The following USP46 variants were observed in gnomAD, a reference collection of about 807,000 sequenced individuals.
USP46 encodes ubiquitin carboxyl-terminal hydrolase 46.
Under a neutral mutation model 44.4 loss-of-function variants are expected in USP46, and 12 were observed. The ratio of observed to expected loss-of-function variants is 0.27; its 90% confidence interval spans 0.17 to 0.44. The LOEUF is 0.44. Among genes scored for constraint, USP46 ranks in the 20% least tolerant of loss-of-function variants. The probability of loss-of-function intolerance (pLI) is 1.00; values close to 1 mark genes in which losing one functional copy is unlikely to be tolerated. For synonymous variants in USP46, 155 were observed against 161.5 expected, an observed-to-expected ratio of 0.96 and a Z score of 0.31; for missense variants, 248 against 444.8, an observed-to-expected ratio of 0.56 and a Z score of 3.98.
chr4:52,624,702 A>G (rs895377035), intron 4 of USP46, among the ~76,000 whole-genome samples: 2 of 152,150 alleles, frequency 1.3e-5, no homozygotes, highest in African/African-American at 2.4e-5. Context: ...CCTCATCTCT[A>G]ATAGGATGGT....
chr4:52,612,912 G>A (rs1716985686), intron 4 of USP46, among the ~76,000 whole-genome samples: 2 of 152,130 alleles, frequency 1.3e-5, no homozygotes, highest in Non-Finnish European at 2.9e-5. Context: ...TTTACTGTCT[G>A]TCTCCCCCTC....
rs184469182 is a variant in USP46, at chr4:52,592,502, C to T, written c.*5138G>A. On this transcript the variant is annotated 3_prime_UTR_variant, in exon 9 of 9. Coordinates refer to ENST00000441222, the MANE Select transcript of USP46 (RefSeq NM_022832.4). ...TGCATCATAGGTGGTTAAGCACCATCCCCCTAGTACTGCCTCATGACTGAG... is the reference window on the plus strand; with the variant it reads ...TGCATCATAGGTGGTTAAGCACCATTCCCCTAGTACTGCCTCATGACTGAG... The T allele has an allele frequency of 3.5e-5, 6 of 170,630 alleles. No individual in the cohort carries two copies. The highest frequency in any genetic ancestry group is 1.4e-4 in the African/African-American group (6 of 42,490). The allele number at this position is 170,630 out of a possible 1,614,324, so 10.6% of individuals were successfully genotyped here.
chr4:52,600,950 C>T (rs1369595624), intron 7 of USP46, among the ~76,000 whole-genome samples: 2 of 152,162 alleles, frequency 1.3e-5, no homozygotes, highest in South Asian at 2.1e-4. Context: ...TTAATACACA[C>T]AGGATAAAAT....
chr4:52,617,126 G>A (rs1476706550), intron 4 of USP46, among the ~76,000 whole-genome samples: 2 of 152,160 alleles, frequency 1.3e-5, no homozygotes, highest in African/African-American at 4.8e-5. Context: ...TAACTGAACA[G>A]AAGACTGAAC....
chr4:52,633,002 G>GAAAGA (rs1717969436), intron 1 of USP46, among the ~76,000 whole-genome samples: 4 of 117,060 alleles, frequency 3.4e-5, no homozygotes, highest in African/African-American at 7.6e-5. Context: ...AAGAAAGAAA[G>GAAAGA]AAAGAAAGAA....
At chr4:52,619,311 A>G (rs184660289) in intron 4 of USP46, among the ~76,000 whole-genome samples, 158 of 152,212 alleles carry the variant, frequency 1.0e-3, no homozygotes, top group African/African-American at 3.7e-3. Flanking sequence ...AAAAAAAAAA[A>G]AAAGAAAAAG....
At chr4:52,611,136 C>T (rs1415691999) in intron 4 of USP46, among the ~76,000 whole-genome samples, 1 of 152,218 alleles carries the variant, frequency 6.6e-6, no homozygotes, top group Non-Finnish European at 1.5e-5. Context: ...GAGAATCGCA[C>T]TGACCACACA....
chr4:52,619,055 A>T (rs1717277896), intron 4 of USP46, among the ~76,000 whole-genome samples: 1 of 152,208 alleles, frequency 6.6e-6, no homozygotes, highest in African/African-American at 2.4e-5. Flanking sequence ...TTAAGCTCCA[A>T]CTGGGCTAAC....
At position 52,595,747 on chromosome 4, in the gene USP46, A is replaced by G. The variant is rs1186059657; in HGVS notation, c.*1893T>C. On this transcript the variant is annotated 3_prime_UTR_variant, in exon 9 of 9. Transcript: ENST00000441222. ...TATGAATCAGTTCCAAATATATTAG[A>G]GACCAACCATCATGTTCTTAAAACT... is the stretch of plus-strand genomic sequence containing the variant. 1 of 152,206 alleles carries G rather than the reference A, an allele frequency of 6.6e-6. No individual in the cohort carries two copies. The highest frequency in any genetic ancestry group is 1.5e-5 in the Non-Finnish European group (1 of 68,040). 9.4% of individuals were successfully genotyped at this position (152,206 alleles called of 1,614,324 possible).
At chr4:52,603,827 G>T (rs1255864131) in intron 6 of USP46, among the ~76,000 whole-genome samples, 1 of 152,106 alleles carries the variant, frequency 6.6e-6, no homozygotes, top group Non-Finnish European at 1.5e-5. Context: ...TGGGATCATA[G>T]GCACCTGGCA....
chr4:52,601,644 T>A (rs998229333), intron 7 of USP46, among the ~76,000 whole-genome samples: 1 of 152,230 alleles, frequency 6.6e-6, no homozygotes, highest in Admixed American at 6.5e-5. Flanking sequence ...ATTTCTCTCA[T>A]GATAGAACAT....
intron 1 of USP46, among the ~76,000 whole-genome samples, chr4:52,633,241 A>G (rs946719100): frequency 6.6e-6 from 1 of 152,200 alleles, no homozygotes; most frequent in Non-Finnish European, 1.5e-5. Flanking sequence ...TCCCCTCATC[A>G]TAACATCCTT....
At chr4:52,639,917 TG>T (rs1159182538) in intron 1 of USP46, among the ~76,000 whole-genome samples, 1 of 145,626 alleles carries the variant, frequency 6.9e-6, no homozygotes, top group African/African-American at 2.5e-5. Flanking sequence ...TTGTCCAGGC[TG>T]GTCTCGAAAT....
At chr4:52,637,495 G>C (rs770853209) in intron 1 of USP46, among the ~76,000 whole-genome samples, 2 of 152,094 alleles carry the variant, frequency 1.3e-5, no homozygotes, top group Non-Finnish European at 2.9e-5. Flanking sequence ...GCTCAGAAAA[G>C]AACAATACCC....
At chr4:52,619,736 C>T (rs879578354) in intron 4 of USP46, among the ~76,000 whole-genome samples, 17 of 152,164 alleles carry the variant, frequency 1.1e-4, no homozygotes, top group Non-Finnish European at 4.4e-5. Context: ...GAGATTGATT[C>T]CCTGCCTCTG....
In USP46 at chr4:52,592,930, C is replaced by A. The variant is rs1716081585; in HGVS notation, c.*4710G>T. On this transcript the variant is annotated 3_prime_UTR_variant, in exon 9 of 9. Coordinates refer to ENST00000441222, the MANE Select transcript of USP46 (RefSeq NM_022832.4). ...GTAAGATGGGCTTGCTTTCCCTTTG[C>A]CTTCTGCTGATTGTAAGTTTCCTGA... 2.5e-6 allele frequency: 1 copy of A among 398,676 alleles called. No individual in the cohort carries two copies. Among genetic ancestry groups the A allele is most frequent in the Admixed American group, 4.4e-5 (1 of 22,716 alleles). The allele number at this position is 398,676 out of a possible 1,614,324, so 24.7% of individuals were successfully genotyped here.
At chr4:52,638,318 A>G (rs1167678548) in intron 1 of USP46, among the ~76,000 whole-genome samples, 1 of 152,158 alleles carries the variant, frequency 6.6e-6, no homozygotes, top group Non-Finnish European at 1.5e-5. Context: ...CCATGAGCCA[A>G]GGGATGCAGG....
At chr4:52,656,577 T>C (rs764994201) in intron 1 of USP46, 276 of 1,328,984 alleles carry the variant, frequency 2.1e-4, no homozygotes, top group Non-Finnish European at 2.5e-4. Flanking sequence ...AAACACCTGG[T>C]AGATGACATA....
intron 4 of USP46, among the ~76,000 whole-genome samples, chr4:52,619,787 A>G (rs1401676669): frequency 6.6e-6 from 1 of 152,210 alleles, no homozygotes; most frequent in African/African-American, 2.4e-5. Context: ...TGGCTAGGAT[A>G]TCATAGAAGG....
Sources: allele counts gnomAD v4.1 joint callset (sites outside exome capture counted in the v4.1 genomes callset), GRCh38; gene constraint gnomAD v4.1.1; transcripts MANE v1.5; gene names NCBI Gene and HGNC (gene_info 2026-07-23, HGNC 2026-07-21).